MAML2: variants seen among roughly 807,000 people sequenced by gnomAD.
MAML2 encodes the protein mastermind like transcriptional coactivator 2, also known as mastermind-like protein 2.
A neutral mutation model predicts 96.1 loss-of-function variants in MAML2; 22 were observed. The observed-to-expected ratio is 0.23, with a 90% confidence interval of 0.16 to 0.33. The LOEUF is 0.33. Ranked by LOEUF, MAML2 falls within the 10% of genes least tolerant of loss-of-function variation. MAML2 has a pLI of 1.00. For missense variants in MAML2, 1,367 were observed against 1,392.4 expected, an observed-to-expected ratio of 0.98 and a Z score of 0.29; for synonymous variants, 561 against 521.3, an observed-to-expected ratio of 1.08 and a Z score of -1.04.
intron 1 of MAML2, among the ~76,000 whole-genome samples, chr11:96,213,985 G>T (rs1016097781): frequency 1.3e-5 from 2 of 152,182 alleles, no homozygotes; most frequent in Non-Finnish European, 2.9e-5. Context: ...TCAGGTTAAA[G>T]TGGACACAAA....
chr11:96,019,266 A>T (rs1858400436), intron 2 of MAML2, among the ~76,000 whole-genome samples: 1 of 152,196 alleles, frequency 6.6e-6, no homozygotes, highest in Non-Finnish European at 1.5e-5. Context: ...GATTATATAT[A>T]GTTAGTTATA....
At chr11:96,008,645 G>C (rs1460132007) in intron 2 of MAML2, among the ~76,000 whole-genome samples, 2 of 152,104 alleles carry the variant, frequency 1.3e-5, no homozygotes, top group Admixed American at 1.3e-4. Flanking sequence ...TTTAAAAACA[G>C]CCCTCTTCTC....
intron 1 of MAML2, among the ~76,000 whole-genome samples, chr11:96,333,825 C>A (rs1863883260): frequency 6.6e-6 from 1 of 152,184 alleles, no homozygotes; most frequent in Admixed American, 6.5e-5. Context: ...TCATTAATTT[C>A]AATTAATAAT....
intron 1 of MAML2, among the ~76,000 whole-genome samples, chr11:96,226,002 T>C (rs1040891004): frequency 4.6e-5 from 7 of 152,196 alleles, no homozygotes; most frequent in Non-Finnish European, 7.3e-5. Context: ...TTGATCACCA[T>C]TCATTCAATT....
At chr11:96,262,474 T>C (rs1862763420) in intron 1 of MAML2, among the ~76,000 whole-genome samples, 1 of 152,068 alleles carries the variant, frequency 6.6e-6, no homozygotes, top group Non-Finnish European at 1.5e-5. Flanking sequence ...AATCTTTTTT[T>C]TTTTCTTTTT....
intron 2 of MAML2, among the ~76,000 whole-genome samples, chr11:96,069,806 C>G (rs1188781372): frequency 6.6e-6 from 1 of 152,074 alleles, no homozygotes; most frequent in Non-Finnish European, 1.5e-5. Flanking sequence ...GGGCGGATCA[C>G]AAGGTCAAGA....
intron 1 of MAML2, among the ~76,000 whole-genome samples, chr11:96,190,319 T>C (rs1459323601): frequency 6.6e-6 from 1 of 152,142 alleles, no homozygotes. Flanking sequence ...CATGAGAAAG[T>C]TTAATGAACT....
intron 2 of MAML2, among the ~76,000 whole-genome samples, chr11:96,063,551 T>C (rs967656160): frequency 2.0e-5 from 3 of 152,202 alleles, no homozygotes; most frequent in Non-Finnish European, 4.4e-5. Context: ...ACACATTATG[T>C]TACAAAATCA....
intron 1 of MAML2, among the ~76,000 whole-genome samples, chr11:96,102,706 C>T (rs1242367763): frequency 6.6e-6 from 1 of 151,966 alleles, no homozygotes; most frequent in Non-Finnish European, 1.5e-5. Context: ...ATAGGATGAC[C>T]CTACTGACTA....
chr11:96,256,301 G>T (rs1051089014), intron 1 of MAML2, among the ~76,000 whole-genome samples: 10 of 152,090 alleles, frequency 6.6e-5, no homozygotes, highest in Non-Finnish European at 1.3e-4. Flanking sequence ...TCCAGAGCCC[G>T]TGAGCTGAAT....
rs549477227 is a variant in MAML2, at chr11:95,979,206, C to A, written c.3213G>T (p.Gln1071His). The A allele has an allele frequency of 4.3e-6, 7 of 1,614,008 alleles. No individual in the cohort carries two copies. The African/African-American group carries it at 6.7e-5, about 15-fold the overall frequency. ...GTGGCTGGTTGATGCCCGTCCTCGA[C>A]TGATTCAACCCTGTTCCTGACTGAT... The part of the protein sequence containing the change: ...NLNQSGTGLN[Q>H]SRTGINQPPS... The change falls in exon 5 of 5, where the codon CAG becomes CAT. Residue 1071 changes from glutamine (Q) to histidine (H), a missense_variant. Transcript: ENST00000524717.
intron 1 of MAML2, among the ~76,000 whole-genome samples, chr11:96,213,603 G>A (rs1307197632): frequency 2.0e-5 from 3 of 152,116 alleles, no homozygotes; most frequent in Non-Finnish European, 2.9e-5. Context: ...CTAAAAAGTA[G>A]CAGCTTTTCC....
At chr11:96,079,798 G>C (rs1859503633) in intron 2 of MAML2, among the ~76,000 whole-genome samples, 2 of 152,192 alleles carry the variant, frequency 1.3e-5, no homozygotes, top group South Asian at 4.1e-4. Flanking sequence ...CCAGAAACAG[G>C]GAACCTGATC....
At chr11:96,203,384 T>C (rs1424354314) in intron 1 of MAML2, among the ~76,000 whole-genome samples, 1 of 152,250 alleles carries the variant, frequency 6.6e-6, no homozygotes, top group African/African-American at 2.4e-5. Flanking sequence ...TCCTTAAGAA[T>C]TGCTGGCTCT....
intron 1 of MAML2, among the ~76,000 whole-genome samples, chr11:96,319,353 G>A (rs1863673204): frequency 6.6e-6 from 1 of 152,204 alleles, no homozygotes; most frequent in South Asian, 2.1e-4. Flanking sequence ...GCAAAAGTCT[G>A]ACCCTTAGAA....
chr11:96,053,328 T>G (rs1859015901), intron 2 of MAML2, among the ~76,000 whole-genome samples: 1 of 152,216 alleles, frequency 6.6e-6, no homozygotes, highest in Non-Finnish European at 1.5e-5. Flanking sequence ...CAGAATGATC[T>G]TGATTATCTC....
intron 1 of MAML2, among the ~76,000 whole-genome samples, chr11:96,286,241 G>A (rs1452310317): frequency 2.0e-5 from 3 of 152,184 alleles, no homozygotes; most frequent in Non-Finnish European, 2.9e-5. Flanking sequence ...ACCAAGCACT[G>A]CATTTTCTCA....
chr11:96,019,671 CTGATAATAATAATTATAA>C (rs1165614801), intron 2 of MAML2, among the ~76,000 whole-genome samples: 2,417 of 108,426 alleles, frequency 0.022, 29 homozygotes, highest in African/African-American at 0.036. Context: ...CAGCCAAGGG[CTGATAATAATAATTATAA>C]TAATAATAAT....
intron 1 of MAML2, among the ~76,000 whole-genome samples, chr11:96,213,950 G>A (rs192910020): frequency 6.6e-6 from 1 of 152,292 alleles, no homozygotes; most frequent in African/African-American, 2.4e-5. Context: ...TTGAGAGCTT[G>A]CAAAGAAAAG....
Sources: allele counts gnomAD v4.1 joint callset (sites outside exome capture counted in the v4.1 genomes callset), GRCh38; gene constraint gnomAD v4.1.1; transcripts MANE v1.5; gene names NCBI Gene and HGNC (gene_info 2026-07-23, HGNC 2026-07-21).